The following MAP3K19 variants were observed in gnomAD, a reference collection of about 807,000 sequenced individuals.
The protein encoded by MAP3K19 is SPS1/STE20-related protein kinase YSK4.
MAP3K19 carries 91 observed loss-of-function variants against 114.4 expected under a neutral mutation model. That is an observed-to-expected ratio of 0.80 (90% CI 0.67 to 0.95). The LOEUF (loss-of-function observed/expected upper bound fraction) is 0.95, where lower values mean the gene tolerates loss of function less well. MAP3K19 is among the 40% of genes least tolerant of loss of function. The probability of loss-of-function intolerance (pLI) is 0.00; values close to 1 mark genes in which losing one functional copy is unlikely to be tolerated. For missense variants in MAP3K19, 1,471 were observed against 1,573.2 expected (o/e 0.94, Z 1.10); for synonymous variants, 518 against 530.5 (o/e 0.98, Z 0.32).
intron 6 of MAP3K19, among the ~76,000 whole-genome samples, chr2:135,003,715 C>T (rs1239312062): frequency 6.6e-6 from 1 of 152,012 alleles, no homozygotes; most frequent in African/African-American, 2.4e-5. Context: ...CCACCACACC[C>T]GGCTAATTTT....
chr2:134,988,328 A>G (rs1240336227), intron 9 of MAP3K19, 75 bp from the exon 10 acceptor site: 8 of 1,253,852 alleles, frequency 6.4e-6, no homozygotes, highest in African/African-American at 3.0e-5. Flanking sequence ...AAAGTAGTCT[A>G]AAGAGATTAT....
chr2:134,981,422 T>C lies in MAP3K19; in HGVS notation c.3319A>G (p.Lys1107Glu). 1.9e-6 allele frequency: 3 copies of C among 1,614,248 alleles called. No homozygotes were observed. The highest frequency in any genetic ancestry group is 2.5e-6 in the Non-Finnish European group (3 of 1,180,048). Residue 1107 changes from lysine to glutamate, a missense_variant, in exon 12 of 13, where the codon AAA becomes GAA. Coordinates refer to ENST00000392915, the MANE Select transcript of MAP3K19 (RefSeq NM_025052.5). The stretch of plus-strand genomic sequence containing the variant: ...AGCAAATCTACTTCTTCCTGTAGTT[T>C]CCGGTATTCCTTTTCAGCAGCTAAT... ...NKLAAEKEYR[K>E]LQEEVDLLKA...
chr2:135,002,501 A>G (rs1206112723), intron 6 of MAP3K19, among the ~76,000 whole-genome samples: 1 of 151,756 alleles, frequency 6.6e-6, no homozygotes, highest in Non-Finnish European at 1.5e-5. Flanking sequence ...TCCTTGTTCT[A>G]TTTCAATGGA....
rs1009728215 is a variant in MAP3K19, at chr2:134,991,564, A to G, written c.591T>C (p.His197=). The G allele has an allele frequency of 1.2e-6, 2 of 1,613,810 alleles. No homozygotes were observed. The highest frequency in any genetic ancestry group is 1.1e-5 in the South Asian group (1 of 91,070). ...TGATGCTTCGGCCACTGTACTTCAT[A>G]TGAGAGGTCGAAAACTCTACAACAA... The part of the protein sequence containing the change: ...QRKSEEFSTS[H]MKYSGRSIKF... The change falls in exon 9 of 13, where the codon CAT becomes CAC. Residue 197 remains histidine, a synonymous_variant. Coordinates refer to ENST00000392915, the MANE Select transcript of MAP3K19 (RefSeq NM_025052.5).
At chr2:134,998,614 A>G in intron 8 of MAP3K19, 124 bp downstream of exon 8, 2 of 1,001,924 alleles carry the variant, frequency 2.0e-6, no homozygotes, top group Non-Finnish European at 2.8e-6. Context: ...AAATTACACA[A>G]GGGCTGGGGT....
intron 3 of MAP3K19, among the ~76,000 whole-genome samples, chr2:135,026,732 A>G (rs1688266136): frequency 6.6e-6 from 1 of 152,252 alleles, no homozygotes. Context: ...ACACTATTAT[A>G]AATTGCTTTT....
chr2:135,042,187 G>T (rs1426280485), intron 1 of MAP3K19, among the ~76,000 whole-genome samples: 2 of 152,214 alleles, frequency 1.3e-5, no homozygotes, highest in African/African-American at 4.8e-5. Context: ...GGCTGGCCAT[G>T]TGATCTGGAA....
chr2:134,970,595 CTT>C (rs745484871), intron 12 of MAP3K19, among the ~76,000 whole-genome samples: 4 of 109,556 alleles, frequency 3.7e-5, no homozygotes, highest in Admixed American at 1.8e-4. Context: ...GTTTGAATGC[CTT>C]TTTTTTTTTT....
intron 5 of MAP3K19, among the ~76,000 whole-genome samples, chr2:135,012,538 T>G (rs567190698): frequency 3.3e-5 from 5 of 152,368 alleles, no homozygotes; most frequent in African/African-American, 1.2e-4. Context: ...AATTTTCACT[T>G]AATTTTTATC....
At chr2:135,003,948 G>A (rs369599459) in intron 6 of MAP3K19, among the ~76,000 whole-genome samples, 1 of 152,218 alleles carries the variant, frequency 6.6e-6, no homozygotes, top group Non-Finnish European at 1.5e-5. Flanking sequence ...AGAAAGAGTA[G>A]CTAGCTCAAC....
At chr2:135,043,934 C>T (rs945090863) in intron 1 of MAP3K19, among the ~76,000 whole-genome samples, 1 of 152,236 alleles carries the variant, frequency 6.6e-6, no homozygotes, top group African/African-American at 2.4e-5. Context: ...TTTATCATTA[C>T]TACCTGTTAC....
chr2:135,005,348 C>T, intron 6 of MAP3K19, 87 bp downstream of exon 6: 1 of 1,017,008 alleles, frequency 9.8e-7, no homozygotes, highest in Non-Finnish European at 1.5e-6. Flanking sequence ...GTTGTTCAAA[C>T]TTCTACAATA....
intron 1 of MAP3K19, among the ~76,000 whole-genome samples, chr2:135,043,575 A>AT (rs1688686338): frequency 6.6e-6 from 1 of 152,336 alleles, no homozygotes; most frequent in African/African-American, 2.4e-5. Context: ...AGAGTAGTAC[A>AT]TTTGTTAACA....
chr2:134,972,906 A>G (rs958393473), intron 12 of MAP3K19, among the ~76,000 whole-genome samples: 3 of 152,092 alleles, frequency 2.0e-5, no homozygotes, highest in Non-Finnish European at 4.4e-5. Context: ...CCATTCAGGA[A>G]CATGTTGTTT....
intron 2 of MAP3K19, among the ~76,000 whole-genome samples, chr2:135,035,644 G>C (rs1056920239): frequency 5.3e-5 from 8 of 152,088 alleles, no homozygotes; most frequent in Non-Finnish European, 1.0e-4. Context: ...ACATGGAAGT[G>C]GCCACTTTAA....
At position 134,986,633 on chromosome 2, in the gene MAP3K19, T is replaced by G. The variant is rs1375843937; in HGVS notation, c.2239A>C (p.Lys747Gln). The G allele has an allele frequency of 1.9e-6, 3 of 1,614,212 alleles. No homozygotes were observed. Residue 747 changes from lysine to glutamine, a missense_variant, in exon 10 of 13, where the codon AAG becomes CAG. By Grantham distance (53) the Lys-to-Gln change is moderately conservative. Coordinates refer to ENST00000392915, the MANE Select transcript of MAP3K19 (RefSeq NM_025052.5). ...KVLISKEKSSKAVHSNLHDIE... is the reference protein window; with the variant it reads ...KVLISKEKSSQAVHSNLHDIE... ...TCATGTAGGTTGCTATGTACAGCCTTGGAACTCTTTTCTTTAGAAATTAAG... is the reference window on the plus strand; with the variant it reads ...TCATGTAGGTTGCTATGTACAGCCTGGGAACTCTTTTCTTTAGAAATTAAG...
intron 6 of MAP3K19, among the ~76,000 whole-genome samples, chr2:135,000,917 A>G (rs763273785): frequency 2.6e-5 from 4 of 152,176 alleles, no homozygotes; most frequent in Admixed American, 1.3e-4. Context: ...GGATAAGGTT[A>G]AGGTGTGAAT....
At position 134,981,048 on chromosome 2, in the gene MAP3K19, T is replaced by C. The variant is rs762348893; in HGVS notation, c.3693A>G (p.Pro1231=). 1 of 1,614,242 alleles carries C rather than the reference T, an allele frequency of 6.2e-7. No homozygotes were observed. The highest frequency in any genetic ancestry group is 8.5e-7 in the Non-Finnish European group (1 of 1,180,046). ...SDMLKSMHGT[P]YWMAPEVINE... Reference sequence around the variant, plus strand: ...TGATGACTTCTGGGGCCATCCAATATGGAGTCCCATGCATGGACTTAAGCA... The same window carrying C: ...TGATGACTTCTGGGGCCATCCAATACGGAGTCCCATGCATGGACTTAAGCA... The change falls in exon 12 of 13, where the codon CCA becomes CCG. Residue 1231 remains proline, a synonymous_variant. Transcript: ENST00000392915.
chr2:135,033,471 G>A (rs1404489785), intron 2 of MAP3K19, among the ~76,000 whole-genome samples: 8 of 115,962 alleles, frequency 6.9e-5, no homozygotes, highest in South Asian at 3.4e-4. Context: ...CCCACCCCCC[G>A]GACGGGGCGG....
Sources: allele counts gnomAD v4.1 joint callset (sites outside exome capture counted in the v4.1 genomes callset), GRCh38; gene constraint gnomAD v4.1.1; transcripts MANE v1.5; gene names NCBI Gene and HGNC (gene_info 2026-07-23, HGNC 2026-07-21).